The following GNAI3 variants were observed in gnomAD, a reference collection of about 807,000 sequenced individuals.
GNAI3 encodes guanine nucleotide-binding protein G(i) subunit alpha-3.
Under a neutral mutation model 41.8 loss-of-function variants are expected in GNAI3, and 12 were observed. The observed-to-expected ratio is 0.29, with a 90% CI of 0.18 to 0.47. GNAI3 has a LOEUF of 0.47. GNAI3 is among the 20% of genes least tolerant of loss of function. GNAI3 has a pLI of 1.00. For synonymous variants in GNAI3, 132 were observed against 146.5 expected, an observed-to-expected ratio of 0.90 and a Z score of 0.71; for missense variants, 360 against 429.6, an observed-to-expected ratio of 0.84 and a Z score of 1.43.
At chr1:109,573,569 A>AT (rs1432745959) in intron 1 of GNAI3, among the ~76,000 whole-genome samples, 168 bp from the exon 2 acceptor site, 2 of 152,176 alleles carry the variant, frequency 1.3e-5, no homozygotes, top group Non-Finnish European at 2.9e-5. Context: ...AGAAAGCAAA[A>AT]TGCTGTAGTG....
chr1:109,561,098 G>C (rs972085008), intron 1 of GNAI3, among the ~76,000 whole-genome samples: 1 of 152,014 alleles, frequency 6.6e-6, no homozygotes, highest in Non-Finnish European at 1.5e-5. Context: ...CTTAATTTTG[G>C]TTCATTCCAG....
intron 1 of GNAI3, among the ~76,000 whole-genome samples, chr1:109,550,921 G>C (rs1287311157): frequency 2.0e-5 from 3 of 152,218 alleles, no homozygotes; most frequent in African/African-American, 7.2e-5. Context: ...GACCAACAGA[G>C]ATACCCTTAG....
chr1:109,570,185 A>T (rs1648555113), intron 1 of GNAI3, among the ~76,000 whole-genome samples: 1 of 152,220 alleles, frequency 6.6e-6, no homozygotes, highest in Admixed American at 6.5e-5. Context: ...ACTATTTAGT[A>T]CTACCCCTGA....
chr1:109,569,250 A>C (rs1648532708), intron 1 of GNAI3, among the ~76,000 whole-genome samples: 1 of 152,160 alleles, frequency 6.6e-6, no homozygotes, highest in South Asian at 2.1e-4. Flanking sequence ...AACCCCCTGC[A>C]TAGTTCCATC....
At chr1:109,555,983 TGTG>T (rs1557902180) in intron 1 of GNAI3, among the ~76,000 whole-genome samples, 2 of 101,344 alleles carry the variant, frequency 2.0e-5, no homozygotes, top group Non-Finnish European at 2.5e-5. Flanking sequence ...TGTGTGTGTG[TGTG>T]TGTGTGTGTG....
rs943295192 is a variant in GNAI3 at position 109,595,520 on chromosome 1, T to C, written c.*3198T>C. On this transcript the variant is annotated 3_prime_UTR_variant, in exon 9 of 9. Coordinates refer to ENST00000369851, the MANE Select transcript of GNAI3 (RefSeq NM_006496.4). ...CTTGTTTTTTTAATTTTCATATATA[T>C]TCTATTTGTTGTATATACACATTAG... The C allele has an allele frequency of 2.0e-5, 3 of 152,220 alleles. No homozygotes were observed. The highest frequency in any genetic ancestry group is 2.9e-5 in the Non-Finnish European group (2 of 68,044). The allele number at this position is 152,220 out of a possible 1,614,324, so 9.4% of individuals were successfully genotyped here.
At chr1:109,574,072 A>G in intron 3 of GNAI3, 35 bp downstream of exon 3, 1 of 1,553,070 alleles carries the variant, frequency 6.4e-7, no homozygotes, top group Non-Finnish European at 8.7e-7. Flanking sequence ...ACTTGCTCTT[A>G]TTCAGCAGAT....
Position 109,566,150 on chromosome 1 carries a change from G to C in GNAI3, c.119-7587G>C, listed in dbSNP as rs116476350. 9.4e-3 allele frequency among the ~76,000 whole-genome samples: 1,434 copies of C among 152,318 alleles called. 22 individuals carry two copies. Among genetic ancestry groups the C allele is most frequent in the African/African-American group, 0.033 (1,362 of 41,558 alleles). Reference sequence around the variant, plus strand: ...AGCCACCAGGGTGGAAGTGATAACTGTTCAGAAAGAATGAGGAGGGCTTCA... The same window carrying C: ...AGCCACCAGGGTGGAAGTGATAACTCTTCAGAAAGAATGAGGAGGGCTTCA... On this transcript the variant is annotated intron_variant, in intron 1 of 8. Transcript: ENST00000369851.
chr1:109,548,895 G>A, intron 1 of GNAI3, 57 bp downstream of exon 1: 5 of 1,157,330 alleles, frequency 4.3e-6, no homozygotes, highest in Non-Finnish European at 6.5e-6. Context: ...GCGCTTGGAA[G>A]GCCTGAACGG....
At chr1:109,567,838 C>A (rs1648495334) in intron 1 of GNAI3, among the ~76,000 whole-genome samples, 1 of 152,072 alleles carries the variant, frequency 6.6e-6, no homozygotes, top group African/African-American at 2.4e-5. Context: ...TTTTTATTGA[C>A]CCCCATTCAG....
intron 1 of GNAI3, among the ~76,000 whole-genome samples, chr1:109,554,580 G>A (rs1648093779): frequency 6.6e-6 from 1 of 152,040 alleles, no homozygotes; most frequent in Admixed American, 6.6e-5. Flanking sequence ...TTTTCGTGCT[G>A]ATTTGATTTC....
intron 2 of GNAI3, 31 bp from the exon 3 acceptor site, chr1:109,573,865 G>C: frequency 1.2e-6 from 2 of 1,606,576 alleles, no homozygotes; most frequent in Non-Finnish European, 1.7e-6. Flanking sequence ...TAGGTCCATG[G>C]TATTGACTTG....
chr1:109,586,912 G>T (rs1230380072), intron 7 of GNAI3, 30 bp downstream of exon 7: 1 of 1,475,658 alleles, frequency 6.8e-7, no homozygotes, highest in Admixed American at 1.8e-5. Context: ...TTTATTGGAG[G>T]TACACATCTT....
chr1:109,571,224 CAG>C (rs1203256860), intron 1 of GNAI3, among the ~76,000 whole-genome samples: 5 of 152,094 alleles, frequency 3.3e-5, no homozygotes, highest in African/African-American at 1.2e-4. Flanking sequence ...ATCAGTATCT[CAG>C]TTTTGAGCAT....
At position 109,586,833 on chromosome 1, in the gene GNAI3, G is replaced by C. The variant is rs1649043345; in HGVS notation, c.825G>C (p.Glu275Asp). 6 of 1,602,586 alleles carry C rather than the reference G, an allele frequency of 3.7e-6. No individual in the cohort carries two copies. Among genetic ancestry groups the C allele is most frequent in the Middle Eastern group, 1.7e-4 (1 of 5,974 alleles). Residue 275 changes from glutamate to aspartate, a missense_variant, in exon 7 of 9, where the codon GAG becomes GAC. Transcript: ENST00000369851. ...ILFLNKKDLF[E>D]EKIKRSPLTI... ...TCCTTAACAAGAAAGACCTTTTTGAGGAAAAAATAAAGAGGAGTCCGTTAA... is the reference window on the plus strand; with the variant it reads ...TCCTTAACAAGAAAGACCTTTTTGACGAAAAAATAAAGAGGAGTCCGTTAA...
In GNAI3 at chr1:109,598,689, C is replaced by T. The variant is rs533612471; in HGVS notation, c.*6367C>T. 30 of 236,244 alleles carry T rather than the reference C, an allele frequency of 1.3e-4. No homozygotes were observed. Among genetic ancestry groups the T allele is most frequent in the Non-Finnish European group, 2.5e-4 (28 of 110,122 alleles). The allele number at this position is 236,244 out of a possible 1,614,324, so 14.6% of individuals were successfully genotyped here. On this transcript the variant is annotated 3_prime_UTR_variant, in exon 9 of 9. Coordinates refer to ENST00000369851, the MANE Select transcript of GNAI3 (RefSeq NM_006496.4). ...GTGAAAAGGTCTTTGCTTTGTTTTA[C>T]ATTTAAATCCAGCTGTCTATTTTCT...
At chr1:109,578,934 A>G (rs1040710022) in intron 3 of GNAI3, among the ~76,000 whole-genome samples, 2 of 152,154 alleles carry the variant, frequency 1.3e-5, no homozygotes, top group Non-Finnish European at 2.9e-5. Context: ...TGGGCTGGCC[A>G]GAAATGATCT....
rs555225998 is a variant in GNAI3, at chr1:109,582,902, G to A, written c.590+337G>A. On this transcript the variant is annotated intron_variant, in intron 5 of 8. Coordinates refer to ENST00000369851, the MANE Select transcript of GNAI3 (RefSeq NM_006496.4). ...AGACTCACCAATTCAGATATTGAAT[G>A]TTTAATAGGATAACAATATTAAACT... Among the ~76,000 whole-genome samples the A allele has an allele frequency of 1.9e-3, 284 of 152,210 alleles. 2 individuals carry two copies. Among genetic ancestry groups the A allele is most frequent in the South Asian group, 9.5e-3 (46 of 4,830 alleles).
intron 1 of GNAI3, among the ~76,000 whole-genome samples, chr1:109,556,060 T>TTAGACA (rs1553222541): frequency 3.3e-5 from 5 of 149,716 alleles, no homozygotes; most frequent in African/African-American, 1.3e-4. Flanking sequence ...TTTTTTTTGT[T>TTAGACA]GAGTCTTACT....
Sources: allele counts gnomAD v4.1 joint callset (sites outside exome capture counted in the v4.1 genomes callset), GRCh38; gene constraint gnomAD v4.1.1; transcripts MANE v1.5; gene names NCBI Gene and HGNC (gene_info 2026-07-23, HGNC 2026-07-21).